PPP6R1: variants seen among roughly 807,000 people sequenced by gnomAD.
The protein encoded by PPP6R1 is serine/threonine-protein phosphatase 6 regulatory subunit 1.
PPP6R1 carries 39 observed loss-of-function variants against 104.6 expected under a neutral mutation model. That is an observed-to-expected ratio of 0.37 (90% confidence interval 0.29 to 0.49). PPP6R1 has a LOEUF of 0.49. Ranked by LOEUF, PPP6R1 falls within the 20% of genes least tolerant of loss-of-function variation. The probability of loss-of-function intolerance (pLI) is 0.98; values close to 1 mark genes in which losing one functional copy is unlikely to be tolerated. For synonymous variants in PPP6R1, 549 were observed against 479.0 expected (o/e 1.15, Z -1.91); for missense variants, 1,181 against 1,155.8 (o/e 1.02, Z -0.32).
At chr19:55,229,591 G>A (rs982837311), downstream of PPP6R1, 1 of 152,228 alleles carries the variant, frequency 6.6e-6, no homozygotes, top group African/African-American at 2.4e-5. Context: ...GCCCACAGGT[G>A]GGGTAGACCT....
intron 1 of PPP6R1, among the ~76,000 whole-genome samples, chr19:55,257,577 C>A (rs755940300): frequency 1.3e-5 from 2 of 152,084 alleles, no homozygotes; most frequent in Non-Finnish European, 2.9e-5. Context: ...TCCTTCCCCC[C>A]CCGGAAGGCC....
chr19:55,234,964 G>C (rs1360789822), intron 17 of PPP6R1, among the ~76,000 whole-genome samples: 1 of 152,186 alleles, frequency 6.6e-6, no homozygotes, highest in African/African-American at 2.4e-5. Context: ...TGGGTACTGG[G>C]AAGGTCCTGC....
At position 55,245,584 on chromosome 19, in the gene PPP6R1, C is replaced by T. The variant is rs371774102; in HGVS notation, c.322G>A (p.Gly108Ser). The change falls in exon 3 of 24, where the codon GGC becomes AGC. Residue 108 changes from glycine (G) to serine (S), a missense_variant. Gly to Ser is a moderately conservative substitution (Grantham distance 56, BLOSUM62 0). This residue lies in a region of PPP6R1 where 139 missense variants were observed against 200.1 expected (regional missense o/e 0.69). Coordinates refer to ENST00000412770, the MANE Select transcript of PPP6R1 (RefSeq NM_014931.4). The surrounding 1 kb of genome is among the most constrained non-coding windows in gnomAD (Gnocchi z 6.4). ...ADESLLNRLY[G>S]FLQSTGSLNP... ...AGGCTGCCGGTGCTCTGCAGGAAGC[C>T]GTAGAGCCGGTTCAGAAGGGACTCA... 19 of 1,612,868 alleles carry T rather than the reference C, an allele frequency of 1.2e-5. No homozygotes were observed. Among genetic ancestry groups the T allele is most frequent in the Admixed American group, 1.7e-5 (1 of 59,920 alleles).
intron 5 of PPP6R1, among the ~76,000 whole-genome samples, chr19:55,243,825 C>T (rs941920716): frequency 6.6e-6 from 1 of 151,976 alleles, no homozygotes; most frequent in African/African-American, 2.4e-5. Flanking sequence ...GCTAATTTTT[C>T]AATTTTTTGT....
Position 55,245,377 on chromosome 19 carries a change from T to A in PPP6R1, c.440A>T (p.Asp147Val). The A allele has an allele frequency of 1.2e-6, 2 of 1,613,438 alleles. No individual in the cohort carries two copies. Among genetic ancestry groups the A allele is most frequent in the Non-Finnish European group, 1.7e-6 (2 of 1,179,740 alleles). ...CTGCAGCAGCAGGTCCACGAAGTCA[T>A]CCTTCTTCCGAAGAAAGGACACGAG... The part of the protein sequence containing the change: ...DQLVSFLRKK[D>V]DFVDLLLQHI... Residue 147 changes from aspartate (D) to valine (V), a missense_variant, in exon 4 of 24, where the codon GAT becomes GTT. By Grantham distance (152) the Asp-to-Val change is radical (BLOSUM62 -3). This residue lies in a region of PPP6R1 where 139 missense variants were observed against 200.1 expected (regional missense o/e 0.69). Coordinates refer to ENST00000412770, the MANE Select transcript of PPP6R1 (RefSeq NM_014931.4). This position sits in a 1 kb window ranked among gnomAD's most constrained non-coding sequence, Gnocchi z 6.4.
chr19:55,258,107 G>C (rs1422745268), intron 1 of PPP6R1, among the ~76,000 whole-genome samples: 1 of 152,228 alleles, frequency 6.6e-6, no homozygotes, highest in African/African-American at 2.4e-5. Flanking sequence ...TGGGGGGCCG[G>C]GGAACCGGCC....
In PPP6R1 at chr19:55,232,231, G is replaced by A. The variant is rs370268082; in HGVS notation, c.1989-20C>T. On this transcript the variant is annotated intron_variant, in intron 17 of 23. Transcript: ENST00000412770. ...CCACTCCTGCCCCAGAAACCACCTC[G>A]TCAGCTAGCTGTGTGGGACAGACCG... The A allele has an allele frequency of 4.1e-5, 63 of 1,529,092 alleles. 1 individual carries two copies. The highest frequency in any genetic ancestry group is 1.0e-4 in the South Asian group (8 of 80,128). 94.7% of individuals were successfully genotyped at this position (1,529,092 alleles called of 1,614,324 possible).
rs535818549 is a variant in PPP6R1 at position 55,247,330 on chromosome 19, A to G, written c.-6-221T>C. ...CTCCCAGTGAGCACCAGGCTCCTGC[A>G]GTTGCCCTCGAGCCTGCCCCTCTTC... On this transcript the variant is annotated intron_variant, in intron 1 of 23. Coordinates refer to ENST00000412770, the MANE Select transcript of PPP6R1 (RefSeq NM_014931.4). The G allele has an allele frequency of 1.2e-4, 71 of 572,594 alleles. No homozygotes were observed. In the East Asian group the frequency reaches 2.0e-3, roughly 16 times the overall value. 35.5% of individuals were successfully genotyped at this position (572,594 alleles called of 1,614,324 possible). A position where few individuals can be genotyped will look rare whatever the true frequency, so the allele number is the denominator to read the frequency against.
intron 5 of PPP6R1, among the ~76,000 whole-genome samples, chr19:55,244,554 C>T (rs1297524264): frequency 6.6e-6 from 1 of 152,160 alleles, no homozygotes; most frequent in Non-Finnish European, 1.5e-5. Context: ...GGGGCCAGCG[C>T]TTGGACAGGC....
At chr19:55,231,313 C>G in intron 21 of PPP6R1, 97 bp downstream of exon 21, 5 of 1,403,064 alleles carry the variant, frequency 3.6e-6, no homozygotes, top group Non-Finnish European at 4.9e-6. Context: ...CAAAGGAGGC[C>G]TGGAGCAGCT....
At position 55,230,387 on chromosome 19, in the gene PPP6R1, C is replaced by A; in HGVS notation, c.*141G>T. The stretch of plus-strand genomic sequence containing the variant: ...GTTGGGCCTGTCTCCCTGGCACCAG[C>A]CTCCTGGGGGTCCAGAGGAGAGAAT... On this transcript the variant is annotated 3_prime_UTR_variant, in exon 24 of 24. Coordinates refer to ENST00000412770, the MANE Select transcript of PPP6R1 (RefSeq NM_014931.4). 7.6e-7 allele frequency: 1 copy of A among 1,316,688 alleles called. No homozygotes were observed. 81.6% of individuals were successfully genotyped at this position (1,316,688 alleles called of 1,614,324 possible). A position where few individuals can be genotyped will look rare whatever the true frequency, so the allele number is the denominator to read the frequency against.
chr19:55,242,356 A>G lies in PPP6R1; in HGVS notation c.731+20T>C, dbSNP rs199749975. Reference sequence around the variant, plus strand: ...CCCCAAGTCAGCTCCCCCCAGCCTTAGCCTTGCCCGCACACCCACTTCTCC... The same window carrying G: ...CCCCAAGTCAGCTCCCCCCAGCCTTGGCCTTGCCCGCACACCCACTTCTCC... On this transcript the variant is annotated intron_variant, in intron 6 of 23. Coordinates refer to ENST00000412770, the MANE Select transcript of PPP6R1 (RefSeq NM_014931.4). 8.4e-5 allele frequency: 136 copies of G among 1,612,284 alleles called. 1 individual carries two copies. In the African/African-American group the frequency reaches 1.5e-3, roughly 18 times the overall value.
rs1568946726 is a variant in PPP6R1 at position 55,241,117 on chromosome 19, GCCCCAGCCGAGCCCCCAACCCCTGAGC to G, written c.1162-65_1162-39del. The G allele has an allele frequency of 1.6e-5, 22 of 1,365,638 alleles. No homozygotes were observed. Among genetic ancestry groups the G allele is most frequent in the Non-Finnish European group, 1.9e-5 (19 of 1,024,596 alleles). The allele number at this position is 1,365,638 out of a possible 1,614,324, so 84.6% of individuals were successfully genotyped here. A position where few individuals can be genotyped will look rare whatever the true frequency, so the allele number is the denominator to read the frequency against. Reference sequence around the variant, plus strand: ...ACAGGATTGGTACCAGAGAGGCCCCGCCCCAGCCGAGCCCCCAACCCCTGAGCCCCCAGCCGAGCCCCCACCCCAGCC... The same window carrying G: ...ACAGGATTGGTACCAGAGAGGCCCCGCCCCAGCCGAGCCCCCACCCCAGCC... On this transcript the variant is annotated intron_variant, in intron 9 of 23. Transcript: ENST00000412770. The surrounding 1 kb of genome is among the most constrained non-coding windows in gnomAD (Gnocchi z 5.4).
Position 55,245,709 on chromosome 19 carries a change from C to T in PPP6R1, c.228-31G>A, listed in dbSNP as rs370171031. On this transcript the variant is annotated intron_variant, in intron 2 of 23. Transcript: ENST00000412770. The surrounding 1 kb of genome is among the most constrained non-coding windows in gnomAD (Gnocchi z 6.4). ...AGGCAAGCACAGGCGGGTGGGGGCT[C>T]GGGTCGGAGGCCGGGGGCAGGGGGC... 5.3e-5 allele frequency: 53 copies of T among 1,004,958 alleles called. No individual in the cohort carries two copies. The highest frequency in any genetic ancestry group is 6.7e-5 in the Non-Finnish European group (46 of 686,522). 62.3% of individuals were successfully genotyped at this position (1,004,958 alleles called of 1,614,324 possible).
In PPP6R1 at chr19:55,230,666, A is replaced by T. The variant is rs746061996; in HGVS notation, c.2589T>A (p.Pro863=). 1 of 1,603,914 alleles carries T rather than the reference A, an allele frequency of 6.2e-7. No individual in the cohort carries two copies. Among genetic ancestry groups the T allele is most frequent in the African/African-American group, 1.3e-5 (1 of 74,674 alleles). ...PQSQSAQALT[P]PPIPNGSAPE... ...GGGCAGAGCCATTGGGTATCGGAGG[A>T]GGCGTGAGGGCCTGGGCACTGTCAG... is the stretch of plus-strand genomic sequence containing the variant. The change falls in exon 23 of 24, where the codon CCT becomes CCA. Residue 863 remains proline, a synonymous_variant. Transcript: ENST00000412770.
intron 10 of PPP6R1, among the ~76,000 whole-genome samples, chr19:55,240,618 C>CA (rs2087446262): frequency 6.9e-6 from 1 of 145,730 alleles, no homozygotes; most frequent in African/African-American, 2.5e-5. Context: ...CGTGTGCACT[C>CA]ACACACATAC....
intron 10 of PPP6R1, among the ~76,000 whole-genome samples, chr19:55,240,553 ACAC>A (rs1398847454): frequency 6.6e-6 from 1 of 150,724 alleles, no homozygotes; most frequent in Admixed American, 6.6e-5. Context: ...ACACACACAC[ACAC>A]ATGCATGCAC....
chr19:55,234,097 C>T (rs1244115705), intron 17 of PPP6R1, among the ~76,000 whole-genome samples: 1 of 152,116 alleles, frequency 6.6e-6, no homozygotes, highest in Non-Finnish European at 1.5e-5. Flanking sequence ...TTACAGGCAC[C>T]CACCACAGCC....
At chr19:55,249,754 C>T (rs1235837832) in intron 1 of PPP6R1, among the ~76,000 whole-genome samples, 2 of 152,070 alleles carry the variant, frequency 1.3e-5, no homozygotes, top group African/African-American at 4.8e-5. Context: ...GGCAGGAGAA[C>T]TGCCTGAACC....
Sources: allele counts gnomAD v4.1 joint callset (sites outside exome capture counted in the v4.1 genomes callset), GRCh38; gene constraint gnomAD v4.1.1; regional missense constraint gnomAD v4.1.1; non-coding constraint Gnocchi (gnomAD v3.1); transcripts MANE v1.5; gene names NCBI Gene and HGNC (gene_info 2026-07-23, HGNC 2026-07-21).